HECA: variants seen among roughly 807,000 people sequenced by gnomAD.
HECA encodes the protein HECA ribonucleoprotein granule regulator.
HECA carries 13 observed loss-of-function variants against 37.6 expected under a neutral mutation model. The observed-to-expected ratio is 0.35, with a 90% confidence interval of 0.23 to 0.55. The LOEUF (loss-of-function observed/expected upper bound fraction) is 0.55. Among genes scored for constraint, HECA ranks in the 20% least tolerant of loss-of-function variants. The pLI, the probability that HECA is intolerant of heterozygous loss-of-function variation, is 0.90. For synonymous variants in HECA, 307 were observed against 291.5 expected, an observed-to-expected ratio of 1.05 and a Z score of -0.54; for missense variants, 527 against 701.9, an observed-to-expected ratio of 0.75 and a Z score of 2.82.
intron 1 of HECA, 195 bp from the exon 2 acceptor site, chr6:139,166,089 C>G: frequency 1.9e-6 from 1 of 533,190 alleles, no homozygotes; most frequent in South Asian, 2.9e-5. Flanking sequence ...AGAGATTCCA[C>G]CAGACTGGTT....
intron 2 of HECA, among the ~76,000 whole-genome samples, chr6:139,172,904 G>A (rs562519888): frequency 6.6e-6 from 1 of 152,090 alleles, no homozygotes; most frequent in African/African-American, 2.4e-5. Flanking sequence ...CCATACCCTC[G>A]GTTAACTCTT....
At chr6:139,137,306 T>A (rs1774459860) in intron 1 of HECA, among the ~76,000 whole-genome samples, 1 of 152,058 alleles carries the variant, frequency 6.6e-6, no homozygotes, top group African/African-American at 2.4e-5. Flanking sequence ...AATTTCCTCA[T>A]GTGTAAACTT....
chr6:139,154,390 A>T (rs568986835), intron 1 of HECA, among the ~76,000 whole-genome samples: 1 of 152,350 alleles, frequency 6.6e-6, no homozygotes, highest in South Asian at 2.1e-4. Flanking sequence ...TTCCAAAAAA[A>T]AACTCTGGAC....
At chr6:139,164,063 CACAA>C (rs1186718290) in intron 1 of HECA, among the ~76,000 whole-genome samples, 1 of 121,918 alleles carries the variant, frequency 8.2e-6, no homozygotes, top group Non-Finnish European at 1.7e-5. Flanking sequence ...CACACACACA[CACAA>C]ACACACACAC....
At chr6:139,156,515 C>A (rs1298933702) in intron 1 of HECA, among the ~76,000 whole-genome samples, 1 of 152,164 alleles carries the variant, frequency 6.6e-6, no homozygotes, top group Non-Finnish European at 1.5e-5. Flanking sequence ...CAGCCTGTAG[C>A]TTTCAAAATA....
intron 2 of HECA, among the ~76,000 whole-genome samples, chr6:139,167,743 T>G (rs1774912193): frequency 6.6e-6 from 1 of 152,148 alleles, no homozygotes; most frequent in South Asian, 2.1e-4. Flanking sequence ...ATTTTTAGAT[T>G]AGTTGAATTA....
chr6:139,162,173 C>T (rs2114464337), intron 1 of HECA, among the ~76,000 whole-genome samples: 1 of 152,132 alleles, frequency 6.6e-6, no homozygotes. Context: ...TGAAGAGTCC[C>T]CATGATGAGG....
chr6:139,168,069 C>G (rs1042403009), intron 2 of HECA, among the ~76,000 whole-genome samples: 1 of 152,184 alleles, frequency 6.6e-6, no homozygotes, highest in Non-Finnish European at 1.5e-5. Context: ...ATATCCCCAC[C>G]TGTCTCCTTC....
At chr6:139,163,645 C>T (rs1445314069) in intron 1 of HECA, among the ~76,000 whole-genome samples, 8 of 152,262 alleles carry the variant, frequency 5.3e-5, no homozygotes, top group Middle Eastern at 3.4e-3. Flanking sequence ...TGAGCCACTG[C>T]GCTGTCCCCT....
At chr6:139,147,994 T>A (rs532878032) in intron 1 of HECA, among the ~76,000 whole-genome samples, 8 of 152,346 alleles carry the variant, frequency 5.3e-5, no homozygotes, top group Non-Finnish European at 7.4e-5. Flanking sequence ...TCTTTGCCAA[T>A]CAGATAGATG....
chr6:139,179,921 ATTAT>A lies in HECA; in HGVS notation c.*2823_*2826del, dbSNP rs1398307585. ...TTTCGTCTATTCTTAATATTTTTTAATTATTTATTTTTAAGAGTTTTATACCTTG... is the reference window on the plus strand; with the variant it reads ...TTTCGTCTATTCTTAATATTTTTTAATTATTTTTAAGAGTTTTATACCTTG... On this transcript the variant is annotated 3_prime_UTR_variant, in exon 4 of 4. Coordinates refer to ENST00000367658, the MANE Select transcript of HECA (RefSeq NM_016217.3). The A allele has an allele frequency of 1.3e-5, 2 of 152,142 alleles. No individual in the cohort carries two copies. Among genetic ancestry groups the A allele is most frequent in the Non-Finnish European group, 2.9e-5 (2 of 68,008 alleles). The allele number at this position is 152,142 out of a possible 1,614,324, so 9.4% of individuals were successfully genotyped here. A position where few individuals can be genotyped will look rare whatever the true frequency, so the allele number is the denominator to read the frequency against.
intron 1 of HECA, among the ~76,000 whole-genome samples, chr6:139,142,571 G>A (rs1774528723): frequency 6.6e-6 from 1 of 152,122 alleles, no homozygotes; most frequent in South Asian, 2.1e-4. Context: ...TTTGCATCCG[G>A]AATTTGGAGC....
rs974679100 is a variant in HECA at position 139,178,310 on chromosome 6, G to A, written c.*1205G>A. ...ATTCCAAAATACAGCCTTTGGTTCA[G>A]TAGATTTTAATGCTTTAAATAGACT... is the stretch of plus-strand genomic sequence containing the variant. On this transcript the variant is annotated 3_prime_UTR_variant, in exon 4 of 4. Transcript: ENST00000367658. 6.6e-6 allele frequency: 1 copy of A among 152,130 alleles called. No individual in the cohort carries two copies. Among genetic ancestry groups the A allele is most frequent in the Non-Finnish European group, 1.5e-5 (1 of 68,008 alleles). 9.4% of individuals were successfully genotyped at this position (152,130 alleles called of 1,614,324 possible).
intron 1 of HECA, among the ~76,000 whole-genome samples, chr6:139,136,941 G>T (rs1035886574): frequency 6.6e-6 from 1 of 152,176 alleles, no homozygotes; most frequent in African/African-American, 2.4e-5. Context: ...GCCAGATCAG[G>T]CACTTTTTAA....
rs149015768 is a variant in HECA at position 139,166,168 on chromosome 6, C to T, written c.272-116C>T. On this transcript the variant is annotated intron_variant, in intron 1 of 3. Transcript: ENST00000367658. ...ATTCATCTTTAAAGGAACCCTGGAA[C>T]TGCCTTTCATTATATTCATGTCTTA... The T allele has an allele frequency of 1.8e-4, 145 of 811,094 alleles. 2 individuals are homozygous for T. In the East Asian group the frequency reaches 3.6e-3, roughly 20 times the overall value. 50.2% of individuals were successfully genotyped at this position (811,094 alleles called of 1,614,324 possible). A position where few individuals can be genotyped will look rare whatever the true frequency, so the allele number is the denominator to read the frequency against.
intron 2 of HECA, among the ~76,000 whole-genome samples, chr6:139,171,575 C>A (rs973766759): frequency 7.9e-5 from 12 of 152,188 alleles, no homozygotes; most frequent in African/African-American, 2.9e-4. Context: ...AAATGTAAAT[C>A]ATGTCTTCAA....
At chr6:139,151,433 TA>T (rs1774649319) in intron 1 of HECA, among the ~76,000 whole-genome samples, 1 of 149,360 alleles carries the variant, frequency 6.7e-6, no homozygotes, top group Non-Finnish European at 1.5e-5. Context: ...TCCGTTTAAC[TA>T]AACAGAATGC....
chr6:139,138,801 C>T (rs1260058931), intron 1 of HECA, among the ~76,000 whole-genome samples: 5 of 152,118 alleles, frequency 3.3e-5, no homozygotes, highest in Admixed American at 1.3e-4. Context: ...TTTTAAGATA[C>T]TAGTTTATGA....
chr6:139,166,720 C>T lies in HECA; in HGVS notation c.708C>T (p.Ser236=). 1 of 1,611,264 alleles carries T rather than the reference C, an allele frequency of 6.2e-7. No homozygotes were observed. Among genetic ancestry groups the T allele is most frequent in the Non-Finnish European group, 8.5e-7 (1 of 1,178,792 alleles). Residue 236 remains serine, a synonymous_variant, in exon 2 of 4, where the codon AGC becomes AGT. Transcript: ENST00000367658. ...CAAATAAGCCCCAGAAAGGCCCAAG[C>T]CACGACCTCCCCCGCCGGCATTCCA... ...RPPNKPQKGP[S]HDLPRRHSMD...
Sources: allele counts gnomAD v4.1 joint callset (sites outside exome capture counted in the v4.1 genomes callset), GRCh38; gene constraint gnomAD v4.1.1; transcripts MANE v1.5; gene names NCBI Gene and HGNC (gene_info 2026-07-23, HGNC 2026-07-21).